The following OSMR variants were observed in gnomAD, a reference collection of about 807,000 sequenced individuals.
OSMR encodes the protein oncostatin M receptor.
Under a neutral mutation model 99.9 loss-of-function variants are expected in OSMR, and 81 were observed. The observed-to-expected ratio is 0.81, with a 90% CI of 0.68 to 0.97. The LOEUF is 0.97. Ranked by LOEUF, OSMR falls within the 50% of genes least tolerant of loss-of-function variation. The pLI is 0.00. For synonymous variants in OSMR, 406 were observed against 410.4 expected (o/e 0.99, Z 0.13); for missense variants, 1,099 against 1,153.4 (o/e 0.95, Z 0.68).
At chr5:38,945,489 A>C, downstream of OSMR, 1 of 1,596,852 alleles carries the variant, frequency 6.3e-7, no homozygotes, top group Non-Finnish European at 8.6e-7. Flanking sequence ...GTGATCACTT[A>C]CCTGAATGAC....
intron 13 of OSMR, among the ~76,000 whole-genome samples, chr5:38,924,047 A>G (rs931134655): frequency 1.4e-4 from 21 of 152,262 alleles, no homozygotes; most frequent in African/African-American, 4.8e-4. Flanking sequence ...TCCTCACTTT[A>G]GTAGGTTCTC....
intron 3 of OSMR, among the ~76,000 whole-genome samples, chr5:38,878,841 G>A (rs1009157558): frequency 5.3e-5 from 8 of 152,218 alleles, no homozygotes; most frequent in Non-Finnish European, 8.8e-5. Context: ...CAAAGCAGAA[G>A]TTGAGGTTAA....
intron 2 of OSMR, among the ~76,000 whole-genome samples, chr5:38,874,962 T>A (rs1433873024): frequency 6.6e-6 from 1 of 152,188 alleles, no homozygotes; most frequent in Non-Finnish European, 1.5e-5. Context: ...AAGAGAAAAA[T>A]AGCATGTGCA....
In OSMR at chr5:38,933,293, A is replaced by C; in HGVS notation, c.2789A>C (p.Asp930Ala). 6.2e-7 allele frequency: 1 copy of C among 1,614,152 alleles called. No homozygotes were observed. The highest frequency in any genetic ancestry group is 8.5e-7 in the Non-Finnish European group (1 of 1,179,944). ...QLASPMFGDK[D>A]SLPTNPVEAP... ...GCTTCACCCATGTTTGGAGACAAGG[A>C]CAGTCTCCCAACAAACCCAGTAGAG... Residue 930 changes from aspartate to alanine, a missense_variant, in exon 18 of 18, where the codon GAC (aspartate) becomes GCC (alanine). Asp to Ala is a moderately radical substitution (Grantham distance 126, BLOSUM62 -2). Coordinates refer to ENST00000274276, the MANE Select transcript of OSMR (RefSeq NM_003999.3).
At chr5:38,900,878 A>T (rs1231773520) in intron 7 of OSMR, among the ~76,000 whole-genome samples, 1 of 152,104 alleles carries the variant, frequency 6.6e-6, no homozygotes, top group African/African-American at 2.4e-5. Flanking sequence ...GCGTGACCTT[A>T]CCTGGCTCCA....
chr5:38,875,336 T>C (rs1375681002), intron 2 of OSMR, among the ~76,000 whole-genome samples: 1 of 152,260 alleles, frequency 6.6e-6, no homozygotes, highest in Non-Finnish European at 1.5e-5. Context: ...TCTTTAAGAA[T>C]CAGCAGTGAC....
At chr5:38,907,129 A>G (rs1259947070) in intron 9 of OSMR, among the ~76,000 whole-genome samples, 1 of 152,208 alleles carries the variant, frequency 6.6e-6, no homozygotes, top group African/African-American at 2.4e-5. Flanking sequence ...TTCTATACCT[A>G]GAAAACCCTA....
At chr5:38,905,449 C>T (rs1745166362) in intron 9 of OSMR, among the ~76,000 whole-genome samples, 2 of 151,278 alleles carry the variant, frequency 1.3e-5, no homozygotes, top group South Asian at 2.1e-4. Context: ...GATCGTGCCA[C>T]TGCACTCCAG....
chr5:38,889,439 C>G (rs2112434748), intron 7 of OSMR, among the ~76,000 whole-genome samples: 1 of 152,058 alleles, frequency 6.6e-6, no homozygotes, highest in South Asian at 2.1e-4. Flanking sequence ...TTTTTTTGCT[C>G]TGGTAACTAC....
intron 7 of OSMR, among the ~76,000 whole-genome samples, chr5:38,890,313 A>G (rs1381692760): frequency 6.6e-6 from 1 of 152,228 alleles, no homozygotes. Flanking sequence ...TATTTTAACA[A>G]GGTCATCATG....
rs374344364 is a variant in OSMR, at chr5:38,925,197, A to G, written c.2045-7A>G. 89 of 1,613,860 alleles carry G rather than the reference A, an allele frequency of 5.5e-5. No individual in the cohort carries two copies. Among genetic ancestry groups the G allele is most frequent in the Non-Finnish European group, 7.4e-5 (87 of 1,179,890 alleles). The stretch of plus-strand genomic sequence containing the variant: ...CCTTGAAAAAAAAACCATTTAAAAA[A>G]TCACAGATGGTTCAGAATGTTGCAA... On this transcript the variant is annotated splice_region_variant and splice_polypyrimidine_tract_variant and intron_variant, in intron 14 of 17. Coordinates refer to ENST00000274276, the MANE Select transcript of OSMR (RefSeq NM_003999.3).
intron 1 of OSMR, among the ~76,000 whole-genome samples, chr5:38,866,938 G>T (rs1014188618): frequency 1.1e-4 from 16 of 152,104 alleles, no homozygotes; most frequent in Admixed American, 4.6e-4. Flanking sequence ...GCCAATCCTG[G>T]CTGGGTCATC....
At chr5:38,925,894 G>A (rs1746451716) in intron 15 of OSMR, among the ~76,000 whole-genome samples, 1 of 152,168 alleles carries the variant, frequency 6.6e-6, no homozygotes, top group Admixed American at 6.5e-5. Flanking sequence ...ATTGAGCAGG[G>A]GAATGGAATA....
chr5:38,909,973 C>T (rs543264790), intron 9 of OSMR, among the ~76,000 whole-genome samples: 1 of 152,312 alleles, frequency 6.6e-6, no homozygotes, highest in Non-Finnish European at 1.5e-5. Context: ...ATGCTGTCTA[C>T]AGGAGACCTA....
In OSMR at chr5:38,886,241, T is replaced by G. The variant is rs746026189; in HGVS notation, c.991+51T>G. 5 of 1,613,436 alleles carry G rather than the reference T, an allele frequency of 3.1e-6. No homozygotes were observed. In the South Asian group the frequency reaches 4.4e-5, roughly 14 times the overall value. ...CCGTGGCCACTAACGTGTCTTTGTT[T>G]CACAGACTGTGTGATCAAGTAAATG... On this transcript the variant is annotated intron_variant, in intron 7 of 17. Transcript: ENST00000274276.
At chr5:38,929,964 TTCTCCTG>T (rs1339679232) in intron 15 of OSMR, among the ~76,000 whole-genome samples, 4 of 152,230 alleles carry the variant, frequency 2.6e-5, no homozygotes, top group Non-Finnish European at 5.9e-5. Flanking sequence ...TGATTAACTA[TTCTCCTG>T]TCTCCTCGTT....
At chr5:38,945,441 G>T (rs1218027047), downstream of OSMR, 14 of 1,255,482 alleles carry the variant, frequency 1.1e-5, no homozygotes, top group Non-Finnish European at 1.5e-5. Context: ...GTAAACCAGA[G>T]AACTTTAGTC....
intron 1 of OSMR, among the ~76,000 whole-genome samples, chr5:38,854,392 T>C (rs906431605): frequency 6.6e-6 from 1 of 152,150 alleles, no homozygotes; most frequent in African/African-American, 2.4e-5. Context: ...ATTTAAAAAG[T>C]TGTGTTTTAT....
intron 7 of OSMR, among the ~76,000 whole-genome samples, chr5:38,898,948 A>ATTTTTT (rs1561381072): frequency 3.7e-5 from 4 of 108,952 alleles, no homozygotes; most frequent in African/African-American, 8.1e-5. Flanking sequence ...TTTACATAAT[A>ATTTTTT]TCTTTTTTTT....
Sources: allele counts gnomAD v4.1 joint callset (sites outside exome capture counted in the v4.1 genomes callset), GRCh38; gene constraint gnomAD v4.1.1; transcripts MANE v1.5; gene names NCBI Gene and HGNC (gene_info 2026-07-23, HGNC 2026-07-21).